The following USP9X variants were observed in gnomAD, a reference collection of about 807,000 sequenced individuals.
The protein encoded by USP9X is ubiquitin specific peptidase 9 X-linked, also known as ubiquitin carboxyl-terminal hydrolase 9X.
USP9X carries 7 observed loss-of-function variants against 190.3 expected under a neutral mutation model. That is an observed-to-expected ratio of 0.04 (90% CI 0.02 to 0.07). USP9X has a LOEUF of 0.07. USP9X is among the 10% of genes least tolerant of loss of function. The pLI, the probability that USP9X is intolerant of heterozygous loss-of-function variation, is 1.00. For missense variants in USP9X, 1,010 were observed against 1,916.9 expected, an observed-to-expected ratio of 0.53 and a Z score of 8.83; for synonymous variants, 645 against 659.5, an observed-to-expected ratio of 0.98 and a Z score of 0.34.
intron 32 of USP9X, among the ~76,000 whole-genome samples, chrX:41,208,709 TTG>T (rs2063129305): frequency 9.0e-6 from 1 of 110,811 alleles, no homozygotes; most frequent in Non-Finnish European, 1.9e-5. Flanking sequence ...GTTTGTTTGT[TTG>T]TTTTTTGTTT....
At chrX:41,175,318 A>G (rs1203529279) in intron 21 of USP9X, among the ~76,000 whole-genome samples, 1 of 110,789 alleles carries the variant, frequency 9.0e-6, no homozygotes, top group Non-Finnish European at 1.9e-5. Context: ...CTCAGGATTC[A>G]TGACCAGCCT....
chrX:41,232,791 A>C lies in USP9X; in HGVS notation c.*267A>C. The stretch of plus-strand genomic sequence containing the variant: ...TATAGTATATTAATGTTGACTGTTA[A>C]TTCTTAAGCAAGAAACTTTTTTCTT... On this transcript the variant is annotated 3_prime_UTR_variant, in exon 45 of 45. Coordinates refer to ENST00000378308, the MANE Select transcript of USP9X (RefSeq NM_001039591.3). 5.7e-6 allele frequency: 1 copy of C among 176,534 alleles called. No homozygotes were observed. The highest frequency in any genetic ancestry group is 1.1e-5 in the Non-Finnish European group (1 of 92,837). 14.5% of individuals were successfully genotyped at this position (176,534 alleles called of 1,213,427 possible). A position where few individuals can be genotyped will look rare whatever the true frequency, so the allele number is the denominator to read the frequency against.
At chrX:41,220,035 C>CCAGG (rs1354280545) in intron 38 of USP9X, among the ~76,000 whole-genome samples, 1 of 111,818 alleles carries the variant, frequency 8.9e-6, no homozygotes, top group Non-Finnish European at 1.9e-5. Context: ...AGTTCTATAT[C>CCAGG]CAGGCGTACC....
intron 41 of USP9X, among the ~76,000 whole-genome samples, chrX:41,227,761 C>T (rs1288459341): frequency 1.8e-5 from 2 of 109,850 alleles, no homozygotes; most frequent in Non-Finnish European, 3.8e-5. Flanking sequence ...AGTGCAGTGG[C>T]GCGATCTCGG....
chrX:41,088,693 A>G (rs1047362262), intron 1 of USP9X, among the ~76,000 whole-genome samples: 2 of 110,434 alleles, frequency 1.8e-5, no homozygotes, highest in East Asian at 5.6e-4. Context: ...GAAAGAACGT[A>G]TTACTTTTTA....
chrX:41,196,515 T>C, intron 27 of USP9X, 77 bp from the exon 28 acceptor site: 2 of 1,126,398 alleles, frequency 1.8e-6, no homozygotes, highest in Non-Finnish European at 2.4e-6. Flanking sequence ...TCATCTTCTC[T>C]AGTTAACTCT....
intron 1 of USP9X, 98 bp downstream of exon 1, chrX:41,086,207 G>A (rs1189584322): frequency 2.4e-5 from 7 of 289,016 alleles, no homozygotes; most frequent in Non-Finnish European, 3.0e-5. Flanking sequence ...GTGTGTGCGA[G>A]CCTCTTCCCT....
At chrX:41,146,806 C>T (rs968027146) in intron 11 of USP9X, among the ~76,000 whole-genome samples, 1 of 100,996 alleles carries the variant, frequency 9.9e-6, no homozygotes, top group Non-Finnish European at 2.0e-5. Flanking sequence ...AATAATTTCT[C>T]CCAATTTGGT....
intron 1 of USP9X, among the ~76,000 whole-genome samples, chrX:41,115,814 A>T (rs2062144028): frequency 8.9e-6 from 1 of 112,002 alleles, no homozygotes; most frequent in Non-Finnish European, 1.9e-5. Context: ...TAAGTATCCT[A>T]GGATCATATG....
In USP9X at chrX:41,167,464, T is replaced by C. The variant is rs1417876618; in HGVS notation, c.2329-18T>C. 4 of 1,179,648 alleles carry C rather than the reference T, an allele frequency of 3.4e-6. No individual in the cohort carries two copies. The East Asian group carries it at 1.2e-4, about 35-fold the overall frequency. ...TATATGTTGAAAGGGATGAATACTT[T>C]TATCATTTTGAAACCAGGTCGTGAT... On this transcript the variant is annotated intron_variant, in intron 16 of 44. Coordinates refer to ENST00000378308, the MANE Select transcript of USP9X (RefSeq NM_001039591.3).
chrX:41,134,763 C>T lies in USP9X; in HGVS notation c.361C>T (p.Arg121Cys), dbSNP rs1415766093. The change falls in exon 5 of 45, where the codon CGT becomes TGT. Residue 121 changes from arginine (R) to cysteine (C), a missense_variant. Transcript: ENST00000378308. ...VKSEACQRFF[R>C]DGLTISFTKI... is the part of the protein sequence containing the mutation. The stretch of plus-strand genomic sequence containing the variant: ...AAGTGAAGCATGTCAGCGATTTTTC[C>T]GTGATGGGCTAACAATATCATTCAC... 1.7e-6 allele frequency: 2 copies of T among 1,209,298 alleles called. No homozygotes were observed. The highest frequency in any genetic ancestry group is 2.2e-6 in the Non-Finnish European group (2 of 894,233).
At chrX:41,122,628 G>T (rs969730650) in intron 1 of USP9X, among the ~76,000 whole-genome samples, 1 of 112,088 alleles carries the variant, frequency 8.9e-6, no homozygotes. Flanking sequence ...TAGCCCTGCT[G>T]TCCCAGCATA....
chrX:41,108,212 T>A (rs1346791989), intron 1 of USP9X, among the ~76,000 whole-genome samples: 3 of 112,060 alleles, frequency 2.7e-5, no homozygotes, highest in Non-Finnish European at 5.6e-5. Flanking sequence ...GGGTGTAGCC[T>A]TAGTCATGCC....
chrX:41,155,488 A>T, intron 14 of USP9X, among the ~76,000 whole-genome samples: 1 of 111,739 alleles, frequency 8.9e-6, no homozygotes, highest in Non-Finnish European at 1.9e-5. Context: ...TTGTTTCTGG[A>T]TAGAGTTGGA....
intron 14 of USP9X, among the ~76,000 whole-genome samples, chrX:41,155,238 C>T (rs982934721): frequency 9.0e-6 from 1 of 111,505 alleles, no homozygotes; most frequent in African/African-American, 3.3e-5. Flanking sequence ...CTGATTTTAC[C>T]TCCTATAAAC....
In USP9X at chrX:41,178,475, AT is replaced by A. The variant is rs913744164; in HGVS notation, c.3149-5521del. Reference sequence around the variant, plus strand: ...GGTTTGGATTTGCATTTCCTTAATGATTAGTTATGTTGAGTGTGCTTTCATG... The same window carrying A: ...GGTTTGGATTTGCATTTCCTTAATGATAGTTATGTTGAGTGTGCTTTCATG... On this transcript the variant is annotated intron_variant, in intron 21 of 44. Coordinates refer to ENST00000378308, the MANE Select transcript of USP9X (RefSeq NM_001039591.3). 2.7e-5 allele frequency among the ~76,000 whole-genome samples: 3 copies of A among 110,834 alleles called. No individual in the cohort carries two copies. In the Admixed American group the frequency reaches 2.9e-4, roughly 11 times the overall value.
At position 41,183,973 on chromosome X, in the gene USP9X, C is replaced by T. The variant is rs1308527754; in HGVS notation, c.3149-25C>T. The T allele has an allele frequency of 3.4e-6, 4 of 1,189,225 alleles. No individual in the cohort carries two copies. In the South Asian group the frequency reaches 7.6e-5, roughly 23 times the overall value. ...TGTATGAACACATGAATTACATTTTCACACTGTCTCTTTTTTTCCTCCAGA... is the reference window on the plus strand; with the variant it reads ...TGTATGAACACATGAATTACATTTTTACACTGTCTCTTTTTTTCCTCCAGA... On this transcript the variant is annotated intron_variant, in intron 21 of 44. Transcript: ENST00000378308.
At chrX:41,209,023 A>T (rs772563124) in intron 32 of USP9X, among the ~76,000 whole-genome samples, 2 of 111,684 alleles carry the variant, frequency 1.8e-5, no homozygotes, top group South Asian at 3.7e-4. Flanking sequence ...TCTTAAGTTG[A>T]TAGTGAAGTT....
chrX:41,210,686 A>G lies in USP9X; in HGVS notation c.5189+4A>G. The stretch of plus-strand genomic sequence containing the variant: ...TCTGCCAAGGCTGCCCACATAGGTA[A>G]GTACTAATTACACATTGAAAGTATA... On this transcript the variant is annotated splice_donor_region_variant and intron_variant, in intron 33 of 44. Coordinates refer to ENST00000378308, the MANE Select transcript of USP9X (RefSeq NM_001039591.3). 1 of 1,208,007 alleles carries G rather than the reference A, an allele frequency of 8.3e-7. No homozygotes were observed. The highest frequency in any genetic ancestry group is 1.1e-6 in the Non-Finnish European group (1 of 894,268).
Sources: allele counts gnomAD v4.1 joint callset (sites outside exome capture counted in the v4.1 genomes callset), GRCh38; gene constraint gnomAD v4.1.1; transcripts MANE v1.5; gene names NCBI Gene and HGNC (gene_info 2026-07-23, HGNC 2026-07-21).